Variants in FBXW11 observed in about 807,000 individuals in gnomAD.
FBXW11 encodes the protein F-box/WD repeat-containing protein 11.
Under a neutral mutation model 77.6 loss-of-function variants are expected in FBXW11, and 19 were observed. The ratio of observed to expected loss-of-function variants is 0.24; its 90% confidence interval spans 0.17 to 0.36. The LOEUF is 0.36. Among genes scored for constraint, FBXW11 ranks in the 10% least tolerant of loss-of-function variants. FBXW11 has a pLI of 1.00. For synonymous variants in FBXW11, 235 were observed against 249.4 expected, an observed-to-expected ratio of 0.94 and a Z score of 0.54; for missense variants, 334 against 704.2, an observed-to-expected ratio of 0.47 and a Z score of 5.95.
At chr5:171,932,451 T>A (rs991927059) in intron 2 of FBXW11, among the ~76,000 whole-genome samples, 1 of 152,152 alleles carries the variant, frequency 6.6e-6, no homozygotes, top group African/African-American at 2.4e-5. Flanking sequence ...GGTAGAAATA[T>A]CAAATAGTAA....
At chr5:171,906,148 C>T (rs1419445184) in intron 4 of FBXW11, among the ~76,000 whole-genome samples, 2 of 152,348 alleles carry the variant, frequency 1.3e-5, no homozygotes, top group Admixed American at 6.5e-5. Flanking sequence ...TTAGATCATA[C>T]AATTACAGAA....
chr5:171,937,053 T>A (rs1349871108), intron 2 of FBXW11, among the ~76,000 whole-genome samples: 3 of 152,244 alleles, frequency 2.0e-5, no homozygotes, highest in African/African-American at 7.2e-5. Flanking sequence ...TCTGATTTAA[T>A]TCTTTGACAG....
chr5:171,892,747 G>C (rs752954297), intron 6 of FBXW11, among the ~76,000 whole-genome samples: 2 of 152,200 alleles, frequency 1.3e-5, no homozygotes, highest in African/African-American at 2.4e-5. Flanking sequence ...TCTCTACTAA[G>C]AGTAACTAAA....
intron 1 of FBXW11, among the ~76,000 whole-genome samples, chr5:171,960,565 T>C (rs1581031451): frequency 6.6e-6 from 1 of 152,214 alleles, no homozygotes; most frequent in South Asian, 2.1e-4. Context: ...TGCTAATAAG[T>C]TGGAATCTAA....
chr5:171,953,182 T>C (rs1445150776), intron 2 of FBXW11, among the ~76,000 whole-genome samples: 1 of 152,114 alleles, frequency 6.6e-6, no homozygotes. Flanking sequence ...ATAAAATGTT[T>C]GTAGGGCCTT....
intron 2 of FBXW11, among the ~76,000 whole-genome samples, chr5:171,919,423 T>C (rs1761446008): frequency 6.6e-6 from 1 of 152,202 alleles, no homozygotes; most frequent in Admixed American, 6.5e-5. Context: ...TGATATTTCA[T>C]AACTACCAAA....
chr5:171,876,622 G>A lies in FBXW11; in HGVS notation c.972-88C>T. 6.6e-7 allele frequency: 1 copy of A among 1,504,736 alleles called. No homozygotes were observed. The highest frequency in any genetic ancestry group is 9.1e-7 in the Non-Finnish European group (1 of 1,102,964). 93.2% of individuals were successfully genotyped at this position (1,504,736 alleles called of 1,614,324 possible). ...TCTGAGCTCTGTCTGGGTCTGCAATGGTTTGGATATAGTTTGTCTGACTCT... is the reference window on the plus strand; with the variant it reads ...TCTGAGCTCTGTCTGGGTCTGCAATAGTTTGGATATAGTTTGTCTGACTCT... On this transcript the variant is annotated intron_variant, in intron 8 of 13. Transcript: ENST00000517395. This position sits in a 1 kb window ranked among gnomAD's most constrained non-coding sequence, Gnocchi z 4.2.
At chr5:171,930,762 TA>T (rs59700625) in intron 2 of FBXW11, among the ~76,000 whole-genome samples, 6,531 of 126,488 alleles carry the variant, frequency 0.052, 467 homozygotes, top group African/African-American at 0.18. Flanking sequence ...AATAAAAAAA[TA>T]AAAAAAAAAA....
chr5:171,902,389 T>G (rs1020613963), intron 4 of FBXW11, among the ~76,000 whole-genome samples: 6 of 152,196 alleles, frequency 3.9e-5, no homozygotes, highest in African/African-American at 1.4e-4. Context: ...AGAAAATTTA[T>G]AAAGTGTAGA....
At chr5:171,963,187 AC>A (rs1763998071) in intron 1 of FBXW11, among the ~76,000 whole-genome samples, 1 of 11,738 alleles carries the variant, frequency 8.5e-5, no homozygotes, top group Admixed American at 3.9e-3. Flanking sequence ...AAATACACAT[AC>A]ACACACACAC....
At chr5:171,946,622 T>TACC (rs986879032) in intron 2 of FBXW11, among the ~76,000 whole-genome samples, 57 of 152,204 alleles carry the variant, frequency 3.7e-4, no homozygotes, top group African/African-American at 1.3e-3. Context: ...CTGTTCCCTC[T>TACC]ACCTGGGATT....
intron 13 of FBXW11, among the ~76,000 whole-genome samples, chr5:171,868,332 G>T (rs767620527): frequency 2.0e-5 from 3 of 151,720 alleles, no homozygotes; most frequent in Non-Finnish European, 4.4e-5. Context: ...GTGTTAAATT[G>T]ATTATGACCT....
At chr5:171,994,429 T>C (rs1463609689) in intron 1 of FBXW11, among the ~76,000 whole-genome samples, 1 of 152,206 alleles carries the variant, frequency 6.6e-6, no homozygotes. Flanking sequence ...CCAAAACGTT[T>C]TGAGTGCCAA....
At chr5:171,923,728 TA>T (rs1344059707) in intron 2 of FBXW11, among the ~76,000 whole-genome samples, 3 of 566 alleles carry the variant, frequency 5.3e-3, no homozygotes, top group Non-Finnish European at 8.5e-3. Context: ...TTCTAAGATG[TA>T]TTTTTTTTTT....
At chr5:171,882,707 C>CCT (rs1554095334) in intron 7 of FBXW11, among the ~76,000 whole-genome samples, 7 of 151,834 alleles carry the variant, frequency 4.6e-5, no homozygotes, top group African/African-American at 1.7e-4. Context: ...TTTCCAGCTT[C>CCT]TTTTTTTTAC....
At chr5:171,998,368 T>A (rs1581098808) in intron 1 of FBXW11, among the ~76,000 whole-genome samples, 1 of 128,026 alleles carries the variant, frequency 7.8e-6, no homozygotes, top group South Asian at 2.4e-4. Flanking sequence ...AGAGACAGGG[T>A]TTCACCATGT....
intron 6 of FBXW11, among the ~76,000 whole-genome samples, chr5:171,894,884 G>C (rs1050743393): frequency 1.3e-5 from 2 of 152,106 alleles, no homozygotes; most frequent in African/African-American, 4.8e-5. Flanking sequence ...TCATTATGGT[G>C]CCAGCAAATG....
At chr5:171,893,003 T>C (rs1447923913) in intron 6 of FBXW11, among the ~76,000 whole-genome samples, 2 of 152,226 alleles carry the variant, frequency 1.3e-5, no homozygotes, top group Non-Finnish European at 2.9e-5. Flanking sequence ...TACTGAAAGC[T>C]ACATGCCAGG....
intron 1 of FBXW11, among the ~76,000 whole-genome samples, chr5:171,967,883 T>TATATATATAC (rs1244744249): frequency 6.7e-4 from 50 of 74,970 alleles, no homozygotes; most frequent in African/African-American, 2.8e-3. Context: ...TATATATATA[T>TATATATATAC]ACACACACAC....
Sources: gnomAD v4.1 joint callset for allele counts (sites outside exome capture counted in the v4.1 genomes callset) on GRCh38, gnomAD v4.1.1 for gene constraint, Gnocchi (gnomAD v3.1) non-coding constraint, MANE v1.5 for transcripts, NCBI Gene and HGNC (gene_info 2026-07-23, HGNC 2026-07-21) for gene names.